DACH2: variants seen among roughly 807,000 people sequenced by gnomAD.
DACH2 encodes the protein dachshund family transcription factor 2, also known as dachshund homolog 2.
DACH2 carries 17 observed loss-of-function variants against 35.8 expected under a neutral mutation model. The observed-to-expected ratio is 0.48, with a 90% CI of 0.33 to 0.71. DACH2 has a LOEUF of 0.71. DACH2 is among the 30% of genes least tolerant of loss of function. DACH2 has a pLI of 0.02. For missense variants in DACH2, 469 were observed against 472.7 expected (o/e 0.99, Z 0.07); for synonymous variants, 195 against 177.3 (o/e 1.10, Z -0.79).
At chrX:86,390,658 C>A (rs984502346) in intron 2 of DACH2, among the ~76,000 whole-genome samples, 2 of 110,498 alleles carry the variant, frequency 1.8e-5, no homozygotes, top group African/African-American at 6.6e-5. Flanking sequence ...GATGCGATCT[C>A]AGCTCACTGC....
rs2041860750 is a variant in DACH2, at chrX:86,759,574, T to TTA, written c.1240+19692_1240+19693insTA. On this transcript the variant is annotated intron_variant, in intron 7 of 11. Coordinates refer to ENST00000373125, the MANE Select transcript of DACH2 (RefSeq NM_053281.3). ...TGTTGTTGTTTGTTTTTTTTTTTTT[T>TTA]AAAAATCCATTCAGCTAGTCTATAT... is the stretch of plus-strand genomic sequence containing the variant. Among the ~76,000 whole-genome samples, 4 of 107,489 alleles carry TTA rather than the reference T, an allele frequency of 3.7e-5. No individual in the cohort carries two copies. The Admixed American group carries it at 4.0e-4, about 11-fold the overall frequency. The allele number at this position is 107,489 out of a possible 115,157, so 93.3% of individuals were successfully genotyped here. A position where few individuals can be genotyped will look rare whatever the true frequency, so the allele number is the denominator to read the frequency against.
At chrX:86,394,092 TCC>T (rs2148121322) in intron 2 of DACH2, among the ~76,000 whole-genome samples, 1 of 109,446 alleles carries the variant, frequency 9.1e-6, no homozygotes, top group Non-Finnish European at 1.9e-5. Context: ...ATCACCTTCC[TCC>T]CCTGTAACTG....
chrX:86,261,520 G>A (rs1188735414), intron 1 of DACH2, among the ~76,000 whole-genome samples: 1 of 111,632 alleles, frequency 9.0e-6, no homozygotes, highest in Non-Finnish European at 1.9e-5. Context: ...GTGAGGCAGG[G>A]ATAAAGGCTT....
intron 3 of DACH2, among the ~76,000 whole-genome samples, chrX:86,575,800 G>T (rs1055105929): frequency 3.6e-5 from 4 of 111,574 alleles, no homozygotes; most frequent in African/African-American, 1.3e-4. Flanking sequence ...GTAGGATTCT[G>T]GGAGAACTTA....
At chrX:86,769,677 A>C (rs1340423877) in intron 7 of DACH2, among the ~76,000 whole-genome samples, 1 of 111,817 alleles carries the variant, frequency 8.9e-6, no homozygotes. Context: ...GCATATAGTC[A>C]TATAATCATC....
intron 3 of DACH2, among the ~76,000 whole-genome samples, chrX:86,643,202 A>G (rs2040369460): frequency 9.3e-6 from 1 of 107,501 alleles, no homozygotes; most frequent in African/African-American, 3.4e-5. Context: ...AAAATAAAAT[A>G]AAATAGGCCA....
At chrX:86,345,268 G>C (rs922692318) in intron 1 of DACH2, among the ~76,000 whole-genome samples, 1 of 111,804 alleles carries the variant, frequency 8.9e-6, no homozygotes, top group Non-Finnish European at 1.9e-5. Context: ...GTTTTGTCAT[G>C]CCTTCTTTTT....
rs1197533914 is a variant in DACH2, at chrX:86,359,911, A to T, written c.489-16913A>T. 3.7e-5 allele frequency among the ~76,000 whole-genome samples: 4 copies of T among 109,561 alleles called. No homozygotes were observed. In the Admixed American group the frequency reaches 3.9e-4, roughly 11 times the overall value. Reference sequence around the variant, plus strand: ...TATTTTGAGACAGGGTTTTGCTCTGATGCTCAGGCTGGAGTACAGTGGTGC... The same window carrying T: ...TATTTTGAGACAGGGTTTTGCTCTGTTGCTCAGGCTGGAGTACAGTGGTGC... On this transcript the variant is annotated intron_variant, in intron 1 of 11. Transcript: ENST00000373125.
intron 1 of DACH2, chrX:86,305,164 C>G (rs1270648320): frequency 7.8e-6 from 1 of 128,801 alleles, no homozygotes; most frequent in African/African-American, 3.2e-5. Context: ...GGGGTACACG[C>G]TCTATATCTC....
intron 4 of DACH2, among the ~76,000 whole-genome samples, chrX:86,672,504 C>T (rs2040776380): frequency 9.0e-6 from 1 of 111,472 alleles, no homozygotes; most frequent in African/African-American, 3.3e-5. Flanking sequence ...GACGCTGCTC[C>T]CTGATCCTAG....
rs975588578 is a variant in DACH2 at position 86,792,998 on chromosome X, A to G, written c.1241-19858A>G. ...TAATTTACATTCCTACCAACTTTAT[A>G]TCAGTTCCCTTTTCTCCACATCTTC... is the stretch of plus-strand genomic sequence containing the variant. On this transcript the variant is annotated intron_variant, in intron 7 of 11. Transcript: ENST00000373125. 3.6e-5 allele frequency among the ~76,000 whole-genome samples: 4 copies of G among 111,476 alleles called. No individual in the cohort carries two copies. The South Asian group carries it at 1.1e-3, about 31-fold the overall frequency.
chrX:86,796,177 AC>A (rs2042236493), intron 7 of DACH2, among the ~76,000 whole-genome samples: 1 of 111,260 alleles, frequency 9.0e-6, no homozygotes, highest in African/African-American at 3.3e-5. Flanking sequence ...GCTGCTTGGT[AC>A]GTTTACAAAC....
intron 7 of DACH2, among the ~76,000 whole-genome samples, chrX:86,777,456 C>T (rs946482335): frequency 3.6e-5 from 4 of 111,182 alleles, no homozygotes; most frequent in Non-Finnish European, 7.5e-5. Context: ...GGAAGCTTAC[C>T]AAATTTTGAA....
chrX:86,552,492 G>A (rs1426516917), intron 3 of DACH2, among the ~76,000 whole-genome samples: 1 of 112,072 alleles, frequency 8.9e-6, no homozygotes, highest in Non-Finnish European at 1.9e-5. Context: ...AACTAATGAG[G>A]GAGTTAAGGA....
intron 2 of DACH2, among the ~76,000 whole-genome samples, chrX:86,469,170 C>T (rs1439001036): frequency 9.0e-6 from 1 of 110,604 alleles, no homozygotes; most frequent in East Asian, 2.8e-4. Flanking sequence ...CATAAAATCA[C>T]GGAGTAAAAT....
At chrX:86,462,255 T>C (rs2037587385) in intron 2 of DACH2, among the ~76,000 whole-genome samples, 1 of 112,001 alleles carries the variant, frequency 8.9e-6, no homozygotes, top group Admixed American at 9.5e-5. Flanking sequence ...AAGAGTTTCT[T>C]TATATTTCTC....
At chrX:86,678,951 G>C (rs982232662) in intron 4 of DACH2, among the ~76,000 whole-genome samples, 21 of 111,179 alleles carry the variant, frequency 1.9e-4, no homozygotes, top group African/African-American at 6.5e-4. Flanking sequence ...GGAGCTGCCT[G>C]TTCCCTTGGT....
intron 7 of DACH2, among the ~76,000 whole-genome samples, chrX:86,790,831 C>T (rs2042180310): frequency 9.0e-6 from 1 of 111,510 alleles, no homozygotes. Context: ...CATGAGCCAC[C>T]ATGCCTGGCC....
chrX:86,815,632 T>C (rs984067967), intron 10 of DACH2, among the ~76,000 whole-genome samples: 10 of 105,491 alleles, frequency 9.5e-5, no homozygotes, highest in Non-Finnish European at 1.9e-4. Flanking sequence ...TATATACACA[T>C]ATATATAAAT....
Sources: gnomAD v4.1 joint callset for allele counts (sites outside exome capture counted in the v4.1 genomes callset) on GRCh38, gnomAD v4.1.1 for gene constraint, MANE v1.5 for transcripts, NCBI Gene and HGNC (gene_info 2026-07-23, HGNC 2026-07-21) for gene names.